The following TSHZ2 variants were observed in gnomAD, a reference collection of about 807,000 sequenced individuals.
TSHZ2 encodes teashirt zinc finger homeobox 2.
TSHZ2 carries 21 observed loss-of-function variants against 74.4 expected under a neutral mutation model. The observed-to-expected ratio is 0.28, with a 90% confidence interval of 0.20 to 0.41. TSHZ2 has a LOEUF of 0.41. Ranked by LOEUF, TSHZ2 falls within the 10% of genes least tolerant of loss-of-function variation. TSHZ2 has a pLI of 1.00. For synonymous variants in TSHZ2, 540 were observed against 515.3 expected (o/e 1.05, Z -0.65); for missense variants, 1,244 against 1,293.5 (o/e 0.96, Z 0.59).
chr20:53,388,523 G>T (rs1395468942), intron 2 of TSHZ2, among the ~76,000 whole-genome samples: 1 of 152,036 alleles, frequency 6.6e-6, no homozygotes, highest in Admixed American at 6.5e-5. Context: ...AGTCACAGTC[G>T]CAGGAGAAAA....
intron 2 of TSHZ2, among the ~76,000 whole-genome samples, chr20:53,374,412 C>A (rs942208544): frequency 6.6e-6 from 1 of 152,070 alleles, no homozygotes; most frequent in African/African-American, 2.4e-5. Context: ...TTAGGTTGAT[C>A]CCATGTCTTT....
At chr20:53,215,943 T>C (rs1019323905) in intron 1 of TSHZ2, among the ~76,000 whole-genome samples, 2 of 151,874 alleles carry the variant, frequency 1.3e-5, no homozygotes, top group Non-Finnish European at 2.9e-5. Context: ...TAATTCCCAG[T>C]CTTTCTCCTA....
intron 2 of TSHZ2, among the ~76,000 whole-genome samples, chr20:53,323,871 C>G (rs1429995886): frequency 6.6e-6 from 1 of 152,042 alleles, no homozygotes; most frequent in East Asian, 1.9e-4. Context: ...AGCCACCATG[C>G]CCGGGCTCCT....
At position 53,001,988 on chromosome 20, in the gene TSHZ2, A is replaced by G. The variant is rs569416518; in HGVS notation, c.40+28655A>G. On this transcript the variant is annotated intron_variant, in intron 1 of 2. Coordinates refer to ENST00000371497, the MANE Select transcript of TSHZ2 (RefSeq NM_173485.6). ...TATAAAAAGAAAACGGAAGTTGTCAACACTCACCAGGCTCTATTGTGAGGC... is the reference window on the plus strand; with the variant it reads ...TATAAAAAGAAAACGGAAGTTGTCAGCACTCACCAGGCTCTATTGTGAGGC... 4.0e-4 allele frequency among the ~76,000 whole-genome samples: 61 copies of G among 152,322 alleles called. 1 individual carries two copies. Among genetic ancestry groups the G allele is most frequent in the Admixed American group, 2.0e-3 (31 of 15,300 alleles).
rs142020737 is a variant in TSHZ2, at chr20:53,280,970, C to T, written c.*8+24399C>T. ...CCTCCCAAAATGCTGGGATTACAGG[C>T]GTGAGCCACCACGCCCGGCCAGTCA... On this transcript the variant is annotated intron_variant, in intron 2 of 2. Transcript: ENST00000371497. 5.3e-4 allele frequency among the ~76,000 whole-genome samples: 81 copies of T among 152,282 alleles called. 1 individual carries two copies. The highest frequency in any genetic ancestry group is 5.5e-4 in the African/African-American group (23 of 41,556).
intron 2 of TSHZ2, among the ~76,000 whole-genome samples, chr20:53,405,314 A>T (rs1282107262): frequency 1.3e-5 from 2 of 152,006 alleles, no homozygotes; most frequent in Admixed American, 6.6e-5. Flanking sequence ...AGTAGTATCT[A>T]AGAACTGGGA....
intron 1 of TSHZ2, among the ~76,000 whole-genome samples, chr20:53,164,082 T>C (rs1988010984): frequency 6.6e-6 from 1 of 152,170 alleles, no homozygotes; most frequent in Admixed American, 6.5e-5. Flanking sequence ...CTTTGTTCTG[T>C]TTTTTGTACT....
At chr20:53,161,393 A>G (rs1271480674) in intron 1 of TSHZ2, among the ~76,000 whole-genome samples, 1 of 152,108 alleles carries the variant, frequency 6.6e-6, no homozygotes, top group African/African-American at 2.4e-5. Flanking sequence ...CATGGTAAGG[A>G]GTTTTAATTT....
At position 53,114,429 on chromosome 20, in the gene TSHZ2, C is replaced by T. The variant is rs553041986; in HGVS notation, c.41-139070C>T. On this transcript the variant is annotated intron_variant, in intron 1 of 2. Transcript: ENST00000371497. ...CTATAAAGGAAAAATAGTACTAGTA[C>T]CCACCTCACGATATGTCATGAAGAA... Among the ~76,000 whole-genome samples, 61 of 150,514 alleles carry T rather than the reference C, an allele frequency of 4.1e-4. 1 individual carries two copies. Among genetic ancestry groups the T allele is most frequent in the Middle Eastern group, 6.8e-3 (2 of 294 alleles).
At position 53,255,630 on chromosome 20, in the gene TSHZ2, C is replaced by A; in HGVS notation, c.2172C>A (p.Ser724Arg). 1 of 1,576,562 alleles carries A rather than the reference C, an allele frequency of 6.3e-7. No individual in the cohort carries two copies. Among genetic ancestry groups the A allele is most frequent in the Non-Finnish European group, 8.6e-7 (1 of 1,162,410 alleles). ...CTTCCTGCTCCAGCCCAAGTTCAAG[C>A]ACAATTTCCATGTTCCACAAGTCGA... ...RSPSCSSPSS[S>R]TISMFHKSNL... Residue 724 changes from serine (S) to arginine (R), a missense_variant, in exon 2 of 3, where the codon AGC (serine) becomes AGA (arginine). Around this residue, in one of 6 missense-constraint regions of TSHZ2, gnomAD observed 562 missense variants for 544.0 expected, o/e 1.03. Transcript: ENST00000371497. The surrounding 1 kb of genome is among the most constrained non-coding windows in gnomAD (Gnocchi z 4.1).
At chr20:53,013,798 A>T (rs139846277) in intron 1 of TSHZ2, among the ~76,000 whole-genome samples, 39 of 152,312 alleles carry the variant, frequency 2.6e-4, no homozygotes, top group African/African-American at 8.9e-4. Context: ...TCTATTGCCT[A>T]TGTGGTTTTA....
At chr20:53,324,372 T>C (rs2145531079) in intron 2 of TSHZ2, among the ~76,000 whole-genome samples, 1 of 152,110 alleles carries the variant, frequency 6.6e-6, no homozygotes, top group African/African-American at 2.4e-5. Context: ...GTTTTTGGTT[T>C]TGTTTTGTTT....
intron 1 of TSHZ2, among the ~76,000 whole-genome samples, chr20:53,124,569 T>C (rs1986896153): frequency 6.6e-6 from 1 of 152,242 alleles, no homozygotes; most frequent in Non-Finnish European, 1.5e-5. Context: ...GCTTTACGGA[T>C]GATTAGACTT....
intron 2 of TSHZ2, among the ~76,000 whole-genome samples, chr20:53,347,642 T>G (rs1474650316): frequency 6.6e-6 from 1 of 152,126 alleles, no homozygotes; most frequent in African/African-American, 2.4e-5. Flanking sequence ...TACTTTTTTT[T>G]TTTCCAACTT....
At chr20:53,216,647 T>G (rs1027882837) in intron 1 of TSHZ2, among the ~76,000 whole-genome samples, 1 of 152,234 alleles carries the variant, frequency 6.6e-6, no homozygotes, top group African/African-American at 2.4e-5. Flanking sequence ...CCCTGATGTT[T>G]ACACCTCTCA....
chr20:53,323,542 C>T (rs1025246439), intron 2 of TSHZ2, among the ~76,000 whole-genome samples: 3 of 128,418 alleles, frequency 2.3e-5, no homozygotes, highest in East Asian at 2.1e-4. Context: ...CAAAGCCACC[C>T]GTTTTCATTG....
At chr20:53,303,600 G>A (rs747080419) in intron 2 of TSHZ2, among the ~76,000 whole-genome samples, 3 of 152,258 alleles carry the variant, frequency 2.0e-5, no homozygotes, top group Non-Finnish European at 2.9e-5. Context: ...CCCTCTTGAC[G>A]TTTCTGTGAG....
At chr20:53,232,030 G>A (rs376036182) in intron 1 of TSHZ2, among the ~76,000 whole-genome samples, 47 of 152,024 alleles carry the variant, frequency 3.1e-4, no homozygotes, top group African/African-American at 1.1e-3. Context: ...GACTACGGGC[G>A]CCTGCTACCA....
At chr20:53,434,850 G>A (rs774357725) in intron 2 of TSHZ2, among the ~76,000 whole-genome samples, 9 of 152,238 alleles carry the variant, frequency 5.9e-5, no homozygotes, top group African/African-American at 1.9e-4. Context: ...GAGAGCACGC[G>A]GATCTGGATG....
Sources: allele counts gnomAD v4.1 joint callset (sites outside exome capture counted in the v4.1 genomes callset), GRCh38; gene constraint gnomAD v4.1.1; regional missense constraint gnomAD v4.1.1; non-coding constraint Gnocchi (gnomAD v3.1); transcripts MANE v1.5; gene names NCBI Gene and HGNC (gene_info 2026-07-23, HGNC 2026-07-21).